SLC26A5: variants seen among roughly 807,000 people sequenced by gnomAD.
The protein encoded by SLC26A5 is prestin.
SLC26A5 carries 51 observed loss-of-function variants against 81.0 expected under a neutral mutation model. The observed-to-expected ratio is 0.63, with a 90% CI of 0.50 to 0.80. The LOEUF (loss-of-function observed/expected upper bound fraction) is 0.80, where lower values mean the gene tolerates loss of function less well. Among genes scored for constraint, SLC26A5 ranks in the 30% least tolerant of loss-of-function variants. The pLI is 0.00. For synonymous variants in SLC26A5, 325 were observed against 332.8 expected (o/e 0.98, Z 0.25); for missense variants, 771 against 905.8 (o/e 0.85, Z 1.91).
chr7:103,396,547 C>T (rs1823124929), intron 9 of SLC26A5, among the ~76,000 whole-genome samples: 1 of 152,178 alleles, frequency 6.6e-6, no homozygotes, highest in South Asian at 2.1e-4. Context: ...ACTCTGAAGA[C>T]ATTATGCTAA....
chr7:103,355,227 A>G (rs1252643891), intron 19 of SLC26A5, among the ~76,000 whole-genome samples: 1 of 152,260 alleles, frequency 6.6e-6, no homozygotes, highest in Non-Finnish European at 1.5e-5. Flanking sequence ...TTCAGTTAAC[A>G]AGTCAAAAAA....
chr7:103,431,892 G>A (rs1826108809), intron 2 of SLC26A5, among the ~76,000 whole-genome samples: 1 of 151,046 alleles, frequency 6.6e-6, no homozygotes, highest in African/African-American at 2.4e-5. Context: ...ATCAAGTTTA[G>A]ACATTATTCA....
At chr7:103,443,518 TG>T (rs1827035468) in intron 1 of SLC26A5, among the ~76,000 whole-genome samples, 1 of 152,318 alleles carries the variant, frequency 6.6e-6, no homozygotes, top group South Asian at 2.1e-4. Flanking sequence ...GTGTCCAGAA[TG>T]GGGCATCATC....
chr7:103,377,774 G>T lies in SLC26A5; in HGVS notation c.1811C>A (p.Ala604Asp). Reference protein sequence around the residue: ...KADAEVDGEDATKPEEEDGEV... With the variant: ...KADAEVDGEDDTKPEEEDGEV... The stretch of plus-strand genomic sequence containing the variant: ...ACCATCCTCTTCTTCAGGCTTGGTA[G>T]CATCCTCTCCATCTACTTCTGCATC... The change falls in exon 18 of 20, where the codon GCT (alanine) becomes GAT (aspartate). Residue 604 changes from alanine (A) to aspartate (D), a missense_variant. Transcript: ENST00000306312. 1 of 1,613,974 alleles carries T rather than the reference G, an allele frequency of 6.2e-7. No homozygotes were observed. Among genetic ancestry groups the T allele is most frequent in the Non-Finnish European group, 8.5e-7 (1 of 1,179,998 alleles).
At chr7:103,416,920 T>C (rs1369510334) in intron 4 of SLC26A5, among the ~76,000 whole-genome samples, 1 of 152,170 alleles carries the variant, frequency 6.6e-6, no homozygotes, top group East Asian at 1.9e-4. Context: ...GTATTTACTT[T>C]CTCTTAGATC....
chr7:103,391,616 A>C lies in SLC26A5; in HGVS notation c.1233+6T>G, dbSNP rs1387569303. ...ATCAGGTCTTAGAGGCCTGTTATGT[A>C]CATACCTGTGTCTTCCCACCGGTTC... On this transcript the variant is annotated splice_donor_region_variant and intron_variant, in intron 11 of 19. Transcript: ENST00000306312. 15 of 1,610,900 alleles carry C rather than the reference A, an allele frequency of 9.3e-6. No individual in the cohort carries two copies. Among genetic ancestry groups the C allele is most frequent in the Non-Finnish European group, 1.3e-5 (15 of 1,177,254 alleles).
chr7:103,412,134 C>A (rs1824533987), intron 5 of SLC26A5, among the ~76,000 whole-genome samples: 1 of 152,190 alleles, frequency 6.6e-6, no homozygotes, highest in Non-Finnish European at 1.5e-5. Context: ...TCCTGAACTG[C>A]AGGCACTATG....
At chr7:103,421,023 AG>A in intron 3 of SLC26A5, 146 bp from the exon 4 acceptor site, 1 of 860,616 alleles carries the variant, frequency 1.2e-6, no homozygotes, top group Non-Finnish European at 1.8e-6. Context: ...CAAACAGGGT[AG>A]GAGTCAGGGA....
chr7:103,412,356 G>A (rs866804164), intron 5 of SLC26A5, among the ~76,000 whole-genome samples: 5 of 152,034 alleles, frequency 3.3e-5, no homozygotes, highest in Middle Eastern at 3.2e-3. Context: ...ATAGCGATTA[G>A]GAACTTGAAG....
chr7:103,400,825 T>C (rs1823530736), intron 8 of SLC26A5, among the ~76,000 whole-genome samples: 1 of 152,230 alleles, frequency 6.6e-6, no homozygotes, highest in Admixed American at 6.5e-5. Context: ...GGGAATCCTT[T>C]CCCCATGCTT....
rs761645748 is a variant in SLC26A5, at chr7:103,411,511, C to A, written c.479G>T (p.Gly160Val). 1.2e-6 allele frequency: 2 copies of A among 1,614,076 alleles called. No homozygotes were observed. Among genetic ancestry groups the A allele is most frequent in the African/African-American group, 2.7e-5 (2 of 74,924 alleles). The change falls in exon 6 of 20, where the codon GGA (glycine) becomes GTA (valine). Residue 160 changes from glycine (G) to valine (V), a missense_variant. Coordinates refer to ENST00000306312, the MANE Select transcript of SLC26A5 (RefSeq NM_198999.3). ...TGTGCCATTGGTTGCATTTACTCCTCCTGGAATGACTATATCATCTGGTAC... is the reference window on the plus strand; with the variant it reads ...TGTGCCATTGGTTGCATTTACTCCTACTGGAATGACTATATCATCTGGTAC... ...RLVPDDIVIP[G>V]GVNATNGTEA...
intron 4 of SLC26A5, among the ~76,000 whole-genome samples, chr7:103,417,327 G>A (rs1418731626): frequency 5.7e-5 from 8 of 141,422 alleles, no homozygotes; most frequent in East Asian, 4.1e-4. Flanking sequence ...CCGAGATCAC[G>A]CCACTGCACT....
chr7:103,361,468 C>T (rs1278314197), intron 19 of SLC26A5, among the ~76,000 whole-genome samples: 1 of 141,180 alleles, frequency 7.1e-6, no homozygotes, highest in African/African-American at 2.7e-5. Flanking sequence ...CAAGATCACA[C>T]CATTGTGTTT....
In SLC26A5 at chr7:103,435,636, C is replaced by T. The variant is rs561714255; in HGVS notation, c.-54+7447G>A. Among the ~76,000 whole-genome samples, 20 of 152,302 alleles carry T rather than the reference C, an allele frequency of 1.3e-4. 1 individual carries two copies. The highest frequency in any genetic ancestry group is 9.8e-4 in the Admixed American group (15 of 15,302). On this transcript the variant is annotated intron_variant, in intron 2 of 19. Transcript: ENST00000306312. The stretch of plus-strand genomic sequence containing the variant: ...CTATGGTGCCAATACTCTAGAGAAG[C>T]CCTACTTCACTATAACTAGTCCATG...
At chr7:103,412,889 A>G in intron 5 of SLC26A5, 113 bp downstream of exon 5, 3 of 821,864 alleles carry the variant, frequency 3.7e-6, no homozygotes, top group Non-Finnish European at 6.1e-6. Flanking sequence ...GTATGCAGTA[A>G]CAAAAGTTGT....
intron 14 of SLC26A5, 36 bp downstream of exon 14, chr7:103,388,972 C>A (rs372470203): frequency 3.4e-6 from 5 of 1,456,282 alleles, no homozygotes; most frequent in Non-Finnish European, 4.8e-6. Flanking sequence ...TCATCTCTGC[C>A]GGGACATTCA....
intron 16 of SLC26A5, among the ~76,000 whole-genome samples, chr7:103,378,846 G>A (rs1007293136): frequency 6.6e-6 from 1 of 152,170 alleles, no homozygotes; most frequent in African/African-American, 2.4e-5. Context: ...GAGACTCTGT[G>A]GGTTGACAGG....
intron 19 of SLC26A5, among the ~76,000 whole-genome samples, chr7:103,353,712 CT>C (rs1486654534): frequency 6.6e-6 from 1 of 152,188 alleles, no homozygotes; most frequent in African/African-American, 2.4e-5. Flanking sequence ...ATATTATGTA[CT>C]TTTAAAAACC....
At chr7:103,391,247 T>C (rs970541304) in intron 11 of SLC26A5, among the ~76,000 whole-genome samples, 2 of 152,256 alleles carry the variant, frequency 1.3e-5, no homozygotes, top group African/African-American at 4.8e-5. Flanking sequence ...ATGTTGCTAG[T>C]GGCTGCCATA....
Sources: allele counts gnomAD v4.1 joint callset (sites outside exome capture counted in the v4.1 genomes callset), GRCh38; gene constraint gnomAD v4.1.1; transcripts MANE v1.5; gene names NCBI Gene and HGNC (gene_info 2026-07-23, HGNC 2026-07-21).